The following TTN variants were observed in gnomAD, a reference collection of about 807,000 sequenced individuals.
TTN encodes the protein connectin.
A neutral mutation model predicts 3,223.0 loss-of-function variants in TTN; 1,525 were observed. That is an observed-to-expected ratio of 0.47 (90% CI 0.45 to 0.49). TTN has a LOEUF of 0.49. Ranked by LOEUF, TTN falls within the 20% of genes least tolerant of loss-of-function variation. TTN has a pLI of 0.00. For synonymous variants in TTN, 14,094 were observed against 15,161.0 expected, an observed-to-expected ratio of 0.93 and a Z score of 5.17; for missense variants, 40,786 against 43,424.0, an observed-to-expected ratio of 0.94 and a Z score of 5.40.
Position 178,721,063 on chromosome 2 carries a change from A to G in TTN, c.22956T>C (p.Ser7652=), listed in dbSNP as rs1004007215. Residue 7652 remains serine, a synonymous_variant, in exon 79 of 363, where the codon AGT becomes AGC. Transcript: ENST00000589042. ...TAATGAATGACATGTTGTATTTCCA[A>G]CTTTCATGAAGTTCGCTGTCATTTC... The part of the protein sequence containing the change: ...WFRNDSELHE[S]WKYNMSFINS... 16 of 1,613,128 alleles carry G rather than the reference A, an allele frequency of 9.9e-6. No homozygotes were observed. The African/African-American group carries it at 1.5e-4, about 15-fold the overall frequency.
In TTN at chr2:178,774,400, G is replaced by A. The variant is rs543264216; in HGVS notation, c.6864C>T (p.Cys2288=). 1.6e-5 allele frequency: 26 copies of A among 1,613,846 alleles called. No homozygotes were observed. Among genetic ancestry groups the A allele is most frequent in the Non-Finnish European group, 2.0e-5 (24 of 1,179,912 alleles). The change falls in exon 30 of 363, where the codon TGC becomes TGT. Residue 2288 remains cysteine, a synonymous_variant. Coordinates refer to ENST00000589042, the MANE Select transcript of TTN (RefSeq NM_001267550.2). Reference sequence around the variant, plus strand: ...CTTCTATATTTTCTGGGGATACAATGCACTCTAATTCTCCTGAATATGATT... The same window carrying A: ...CTTCTATATTTTCTGGGGATACAATACACTCTAATTCTCCTGAATATGATT... ...VPESYSGELE[C]IVSPENIEGK...
Position 178,695,923 on chromosome 2 carries a change from C to G in TTN, c.31149G>C (p.Glu10383Asp). Residue 10383 changes from glutamate to aspartate, a missense_variant, in exon 114 of 363, where the codon GAG becomes GAC. By Grantham distance (45) the Glu-to-Asp change is conservative (BLOSUM62 2). Transcript: ENST00000589042. Reference sequence around the variant, plus strand: ...CCCTTTCTTGGTAAGCCTCTTCCCACTCTTCCTCCCCTTCGTCATAGCCTT... The same window carrying G: ...CCCTTTCTTGGTAAGCCTCTTCCCAGTCTTCCTCCCCTTCGTCATAGCCTT... ...REEGYDEGEEEWEEAYQEREV... is the reference protein window; with the variant it reads ...REEGYDEGEEDWEEAYQEREV... 8 of 1,491,224 alleles carry G rather than the reference C, an allele frequency of 5.4e-6. No individual in the cohort carries two copies. Among genetic ancestry groups the G allele is most frequent in the Non-Finnish European group, 7.1e-6 (8 of 1,121,626 alleles). The allele number at this position is 1,491,224 out of a possible 1,614,324, so 92.4% of individuals were successfully genotyped here. A position where few individuals can be genotyped will look rare whatever the true frequency, so the allele number is the denominator to read the frequency against.
chr2:178,558,855 T>C (rs1461223750), intron 326 of TTN: 5 of 530,344 alleles, frequency 9.4e-6, no homozygotes, highest in Admixed American at 3.9e-5. Context: ...AAATTAAGGG[T>C]AAAATGACCA....
intron 99 of TTN, 112 bp downstream of exon 99, chr2:178,709,454 G>A (rs1028890979): frequency 5.5e-6 from 6 of 1,087,628 alleles, no homozygotes; most frequent in African/African-American, 1.6e-5. Context: ...TAAATAATGT[G>A]TATTTATATT....
Position 178,692,489 on chromosome 2 carries a change from T to C in TTN, c.31678+8A>G. 1 of 1,564,406 alleles carries C rather than the reference T, an allele frequency of 6.4e-7. No homozygotes were observed. The highest frequency in any genetic ancestry group is 8.7e-7 in the Non-Finnish European group (1 of 1,152,070). ...TAAGAATTATTTTTTTCACAAATAT[T>C]ATTCTACCTTTTGGTGCTGGGGGCT... is the stretch of plus-strand genomic sequence containing the variant. On this transcript the variant is annotated splice_region_variant and intron_variant, in intron 120 of 362. Transcript: ENST00000589042.
At chr2:178,703,287 T>C (rs184277145) in intron 106 of TTN, among the ~76,000 whole-genome samples, 115 of 152,274 alleles carry the variant, frequency 7.6e-4, no homozygotes, top group Middle Eastern at 6.8e-3. Flanking sequence ...CATAAAGTCT[T>C]AGAAATCACA....
At chr2:178,647,967 T>C (rs2062284529) in intron 213 of TTN, among the ~76,000 whole-genome samples, 1 of 152,136 alleles carries the variant, frequency 6.6e-6, no homozygotes, top group South Asian at 2.1e-4. Flanking sequence ...CCTAATGGTT[T>C]TGATAATGGT....
intron 6 of TTN, 114 bp from the exon 7 acceptor site, chr2:178,795,366 TC>T: frequency 1.1e-6 from 1 of 925,160 alleles, no homozygotes; most frequent in Non-Finnish European, 1.7e-6. Context: ...AATGTGTGCC[TC>T]CATAACCCAT....
At position 178,732,964 on chromosome 2, in the gene TTN, C is replaced by T. The variant is rs758704167; in HGVS notation, c.16212G>A (p.Arg5404=). ...AGGCTGTGCCTTCCACAAATGCTAT[C>T]CTGTATCTGTCAGAAGCAGCTATTT... is the stretch of plus-strand genomic sequence containing the variant. ...GKEIAASDRY[R]IAFVEGTASL... The change falls in exon 55 of 363, where the codon AGG becomes AGA. Residue 5404 remains arginine, a synonymous_variant. Transcript: ENST00000589042. The T allele has an allele frequency of 6.2e-7, 1 of 1,613,476 alleles. No homozygotes were observed.
At position 178,750,529 on chromosome 2, in the gene TTN, T is replaced by C. The variant is rs1269218295; in HGVS notation, c.11311+2595A>G. ...GACACACAAAATTACAACTGTCACC[T>C]TCATAAACTTCTTGAGATTCAATTT... On this transcript the variant is annotated intron_variant, in intron 47 of 362. Coordinates refer to ENST00000589042, the MANE Select transcript of TTN (RefSeq NM_001267550.2). 1.9e-6 allele frequency: 3 copies of C among 1,612,578 alleles called. No homozygotes were observed. In the East Asian group the frequency reaches 6.7e-5, roughly 36 times the overall value.
At position 178,631,688 on chromosome 2, in the gene TTN, T is replaced by A. The variant is rs1422415502; in HGVS notation, c.43748-388A>T. 2.6e-5 allele frequency among the ~76,000 whole-genome samples: 4 copies of A among 152,098 alleles called. No homozygotes were observed. In the East Asian group the frequency reaches 5.8e-4, roughly 22 times the overall value. On this transcript the variant is annotated intron_variant, in intron 236 of 362. Transcript: ENST00000589042. ...TTAGTTTTTCTTAATCAATTAATAGTTTGCCTTTAATCATGTCTATATATG... is the reference window on the plus strand; with the variant it reads ...TTAGTTTTTCTTAATCAATTAATAGATTGCCTTTAATCATGTCTATATATG...
chr2:178,565,592 T>C lies in TTN; in HGVS notation c.80540A>G (p.Gln26847Arg). 3 of 1,613,638 alleles carry C rather than the reference T, an allele frequency of 1.9e-6. No homozygotes were observed. Among genetic ancestry groups the C allele is most frequent in the Non-Finnish European group, 1.7e-6 (2 of 1,179,652 alleles). The change falls in exon 326 of 363, where the codon CAA becomes CGA. Residue 26847 changes from glutamine to arginine, a missense_variant. Gln to Arg is a conservative substitution (Grantham distance 43, BLOSUM62 1). Transcript: ENST00000589042. ...NAVVTGLSSG[Q>R]EYQFRVKAYN... ...AGCCTTGACACGGAACTGATATTCTTGTCCAGAACTCAAACCAGTAACAAC... is the reference window on the plus strand; with the variant it reads ...AGCCTTGACACGGAACTGATATTCTCGTCCAGAACTCAAACCAGTAACAAC...
intron 3 of TTN, among the ~76,000 whole-genome samples, chr2:178,801,740 G>A (rs1032445377): frequency 7.2e-5 from 11 of 152,056 alleles, no homozygotes; most frequent in Admixed American, 2.0e-4. Flanking sequence ...GTAGACTACC[G>A]GCATCAGAAT....
rs1382544228 is a variant in TTN at position 178,645,881 on chromosome 2, G to C, written c.40408+39C>G. On this transcript the variant is annotated intron_variant, in intron 217 of 362. Coordinates refer to ENST00000589042, the MANE Select transcript of TTN (RefSeq NM_001267550.2). ...ATTTCAGATGGCTGGATAGAAGTTT[G>C]AAGCAGGCTAATAAAACTTTGGAAG... 5.3e-6 allele frequency: 7 copies of C among 1,323,370 alleles called. No individual in the cohort carries two copies. In the South Asian group the frequency reaches 1.0e-4, roughly 19 times the overall value. The allele number at this position is 1,323,370 out of a possible 1,614,324, so 82.0% of individuals were successfully genotyped here. A position where few individuals can be genotyped will look rare whatever the true frequency, so the allele number is the denominator to read the frequency against.
At position 178,599,311 on chromosome 2, in the gene TTN, T is replaced by C; in HGVS notation, c.56482A>G (p.Asn18828Asp). ...TNYVIEKREA[N>D]RKTWVHVSSE... ...GAGACATGGACCCATGTCTTCCTGT[T>C]AGCTTCTCTTTTCTCAATTACATAG... The change falls in exon 290 of 363, where the codon AAC (asparagine) becomes GAC (aspartate). Residue 18828 changes from asparagine to aspartate, a missense_variant. By Grantham distance (23) the Asn-to-Asp change is conservative. Transcript: ENST00000589042. 1.9e-6 allele frequency: 3 copies of C among 1,610,172 alleles called. No individual in the cohort carries two copies. Among genetic ancestry groups the C allele is most frequent in the South Asian group, 1.1e-5 (1 of 90,220 alleles).
Position 178,612,982 on chromosome 2 carries a change from C to T in TTN, c.49739G>A (p.Gly16580Asp), listed in dbSNP as rs1465327751. 7 of 1,612,664 alleles carry T rather than the reference C, an allele frequency of 4.3e-6. No homozygotes were observed. Among genetic ancestry groups the T allele is most frequent in the Admixed American group, 3.3e-5 (2 of 59,918 alleles). Residue 16580 changes from glycine to aspartate, a missense_variant, in exon 265 of 363, where the codon GGT (glycine) becomes GAT (aspartate). Physicochemically the swap from Gly to Asp is moderately conservative, Grantham distance 94 (BLOSUM62 -1). Coordinates refer to ENST00000589042, the MANE Select transcript of TTN (RefSeq NM_001267550.2). The part of the protein sequence containing the change: ...LNWTKPEHDG[G>D]AKIESYVIEM... ...AATGACATAAGACTCAATCTTTGCA[C>T]CTCCATCATGTTCTGGTTTTGTCCA...
rs1559154106 is a variant in TTN, at chr2:178,546,940, C to T, written c.94523-35G>A. 4 of 1,574,222 alleles carry T rather than the reference C, an allele frequency of 2.5e-6. No homozygotes were observed. The Admixed American group carries it at 5.3e-5, about 21-fold the overall frequency. ...ATGCAAAAATAAGGTTAAAATATACCACTCTGAGTTCTACTAGAATCAGTA... is the reference window on the plus strand; with the variant it reads ...ATGCAAAAATAAGGTTAAAATATACTACTCTGAGTTCTACTAGAATCAGTA... On this transcript the variant is annotated intron_variant, in intron 340 of 362. Coordinates refer to ENST00000589042, the MANE Select transcript of TTN (RefSeq NM_001267550.2).
rs778562367 is a variant in TTN at position 178,557,526 on chromosome 2, C to G, written c.87736G>C (p.Val29246Leu). ...ATGCTTTCTCGAGTAACATTAGTGACCCATGGTGTAGATGGTGGTCCAGGT... is the reference window on the plus strand; with the variant it reads ...ATGCTTTCTCGAGTAACATTAGTGAGCCATGGTGTAGATGGTGGTCCAGGT... Reference protein sequence around the residue: ...TTPGPPSTPWVTNVTRESITV... With the variant: ...TTPGPPSTPWLTNVTRESITV... Residue 29246 changes from valine to leucine, a missense_variant, in exon 329 of 363, where the codon GTC (valine) becomes CTC (leucine). Physicochemically the swap from Val to Leu is conservative, Grantham distance 32. Transcript: ENST00000589042. The G allele has an allele frequency of 1.2e-6, 2 of 1,613,888 alleles. No individual in the cohort carries two copies. Among genetic ancestry groups the G allele is most frequent in the East Asian group, 4.5e-5 (2 of 44,828 alleles).
In TTN at chr2:178,558,577, A is replaced by G. The variant is rs1702379726; in HGVS notation, c.86882T>C (p.Leu28961Pro). Reference protein sequence around the residue: ...VTSISKDSVSLTWLKPEHDGG... With the variant: ...VTSISKDSVSPTWLKPEHDGG... ...ATCATGTTCAGGCTTCAGCCAGGTC[A>G]GGGAAACACTGTCTTTGGATATACT... Residue 28961 changes from leucine (L) to proline (P), a missense_variant, in exon 327 of 363, where the codon CTG (leucine) becomes CCG (proline). Coordinates refer to ENST00000589042, the MANE Select transcript of TTN (RefSeq NM_001267550.2). 3 of 1,613,776 alleles carry G rather than the reference A, an allele frequency of 1.9e-6. No individual in the cohort carries two copies. The East Asian group carries it at 6.7e-5, about 36-fold the overall frequency.
Sources: allele counts gnomAD v4.1 joint callset (sites outside exome capture counted in the v4.1 genomes callset), GRCh38; gene constraint gnomAD v4.1.1; transcripts MANE v1.5; gene names NCBI Gene and HGNC (gene_info 2026-07-23, HGNC 2026-07-21).